The following NLRP6 variants were observed in gnomAD, a reference collection of about 807,000 sequenced individuals.
NLRP6 encodes NACHT, LRR and PYD domains-containing protein 6.
Under a neutral mutation model 70.9 loss-of-function variants are expected in NLRP6, and 55 were observed. The observed-to-expected ratio is 0.78, with a 90% CI of 0.62 to 0.97. The LOEUF (loss-of-function observed/expected upper bound fraction) is 0.97, where lower values mean the gene tolerates loss of function less well. Among genes scored for constraint, NLRP6 ranks in the 50% least tolerant of loss-of-function variants. The pLI is 0.00. For missense variants in NLRP6, 1,241 were observed against 1,238.3 expected (o/e 1.00, Z -0.03); for synonymous variants, 652 against 581.9 (o/e 1.12, Z -1.73).
intron 5 of NLRP6, among the ~76,000 whole-genome samples, chr11:283,078 T>C (rs1277271321): frequency 6.6e-6 from 1 of 151,684 alleles, no homozygotes; most frequent in East Asian, 1.9e-4. Context: ...AAGACAAGAG[T>C]GTATTTTCCT....
chr11:282,424 T>C (rs932441981), intron 4 of NLRP6, among the ~76,000 whole-genome samples: 6 of 152,086 alleles, frequency 3.9e-5, no homozygotes, highest in Admixed American at 6.5e-5. Context: ...AATGTCACGG[T>C]GTTGGCAGGG....
chr11:278,712 C>T lies in NLRP6; in HGVS notation c.29+114C>T, dbSNP rs900217329. ...TCCACCCTTGTCCACATCCTTCCCC[C>T]ACCCTCACTCCCAGGCTCAGGAGCC... is the stretch of plus-strand genomic sequence containing the variant. On this transcript the variant is annotated intron_variant, in intron 1 of 7. Coordinates refer to ENST00000534750, the MANE Select transcript of NLRP6 (RefSeq NM_001276700.2). The surrounding 1 kb of genome is among the most constrained non-coding windows in gnomAD (Gnocchi z 4.7). The T allele has an allele frequency of 4.1e-6, 3 of 727,128 alleles. No individual in the cohort carries two copies. In the South Asian group the frequency reaches 7.0e-5, roughly 17 times the overall value. 45.0% of individuals were successfully genotyped at this position (727,128 alleles called of 1,614,324 possible). A position where few individuals can be genotyped will look rare whatever the true frequency, so the allele number is the denominator to read the frequency against.
Position 280,980 on chromosome 11 carries a change from A to T in NLRP6, c.1246A>T (p.Thr416Ser). The change falls in exon 4 of 8, where the codon ACG becomes TCG. Residue 416 changes from threonine to serine, a missense_variant. Thr to Ser is a moderately conservative substitution (Grantham distance 58). Coordinates refer to ENST00000534750, the MANE Select transcript of NLRP6 (RefSeq NM_001276700.2). The part of the protein sequence containing the change: ...RDLSRTSKTT[T>S]SVYLLFITSV... ...CCTGTCGCGCACGTCCAAGACCACC[A>T]CGTCAGTGTACCTGCTTTTCATCAC... is the stretch of plus-strand genomic sequence containing the variant. The T allele has an allele frequency of 6.2e-7, 1 of 1,613,120 alleles. No individual in the cohort carries two copies. Among genetic ancestry groups the T allele is most frequent in the Non-Finnish European group, 8.5e-7 (1 of 1,179,968 alleles).
In NLRP6 at chr11:281,286, G is replaced by T. The variant is rs1377465453; in HGVS notation, c.1552G>T (p.Val518Leu). ...ALSYLLEDGG[V>L]PRTAAGGVGT... The stretch of plus-strand genomic sequence containing the variant: ...GTCCTACCTGCTGGAGGACGGCGGG[G>T]TGCCCAGGACCGCGGCTGGCGGCGT... The change falls in exon 4 of 8, where the codon GTG becomes TTG. Residue 518 changes from valine (V) to leucine (L), a missense_variant. Transcript: ENST00000534750. The T allele has an allele frequency of 1.2e-6, 2 of 1,609,812 alleles. No homozygotes were observed. Among genetic ancestry groups the T allele is most frequent in the Admixed American group, 3.3e-5 (2 of 59,832 alleles).
At chr11:284,758 T>A in intron 7 of NLRP6, 116 bp downstream of exon 7, 1 of 979,248 alleles carries the variant, frequency 1.0e-6, no homozygotes, top group East Asian at 2.6e-5. Context: ...AGACCTCCCA[T>A]GTGACTGAGC....
chr11:281,826 C>T lies in NLRP6; in HGVS notation c.2092C>T (p.Leu698=), dbSNP rs143419476. The change falls in exon 4 of 8, where the codon CTG becomes TTG. Residue 698 remains leucine, a synonymous_variant. Coordinates refer to ENST00000534750, the MANE Select transcript of NLRP6 (RefSeq NM_001276700.2). ...KSLGKRLQAS[L]GGGSSQGTTK... is the part of the protein sequence containing the mutation. ...CCTGGGGAAGCGGCTCCAGGCCAGC[C>T]TGGGTGGCGGCAGGTGCGTCTCCAG... 1.3e-4 allele frequency: 201 copies of T among 1,578,972 alleles called. 2 individuals are homozygous for T. The African/African-American group carries it at 2.3e-3, about 18-fold the overall frequency.
rs376681481 is a variant in NLRP6, at chr11:278,733, G to A, written c.29+135G>A. ...CCCCCACCCTCACTCCCAGGCTCAG[G>A]AGCCAAGCACTGCCTCCCCACAGAG... is the stretch of plus-strand genomic sequence containing the variant. On this transcript the variant is annotated intron_variant, in intron 1 of 7. Transcript: ENST00000534750. The surrounding 1 kb of genome is among the most constrained non-coding windows in gnomAD (Gnocchi z 4.7). 3.3e-6 allele frequency: 2 copies of A among 607,594 alleles called. No individual in the cohort carries two copies. The highest frequency in any genetic ancestry group is 3.9e-5 in the African/African-American group (2 of 51,868). The allele number at this position is 607,594 out of a possible 1,614,324, so 37.6% of individuals were successfully genotyped here. A position where few individuals can be genotyped will look rare whatever the true frequency, so the allele number is the denominator to read the frequency against.
intron 5 of NLRP6, among the ~76,000 whole-genome samples, chr11:283,909 C>T (rs1845515173): frequency 6.6e-6 from 1 of 151,974 alleles, no homozygotes; most frequent in Non-Finnish European, 1.5e-5. Flanking sequence ...ACACAACTAC[C>T]CAACCATTAG....
Position 280,503 on chromosome 11 carries a change from TGCCCCGACCGCGGC to T in NLRP6, c.772_785del (p.Pro258AlafsTer103). 1 of 1,577,320 alleles carries T rather than the reference TGCCCCGACCGCGGC, an allele frequency of 6.3e-7. No individual in the cohort carries two copies. The highest frequency in any genetic ancestry group is 1.1e-5 in the South Asian group (1 of 88,750). ...CCTGGCTGACCTGATCCTGGACCAG[TGCCCCGACCGCGGC>T]GCGCCGGTGCCGCAGATGCTGGCCC... On this transcript the variant is annotated frameshift_variant, in exon 4 of 8. Coordinates refer to ENST00000534750, the MANE Select transcript of NLRP6 (RefSeq NM_001276700.2). LOFTEE classifies it high-confidence loss of function.
In NLRP6 at chr11:281,135, A is replaced by T. The variant is rs768778443; in HGVS notation, c.1401A>T (p.Gln467His). 2.5e-6 allele frequency: 4 copies of T among 1,612,878 alleles called. No homozygotes were observed. The South Asian group carries it at 3.3e-5, about 13-fold the overall frequency. ...RAQFAEKELE[Q>H]LELRGSKVQT... is the part of the protein sequence containing the mutation. ...AGTTTGCCGAGAAGGAACTGGAGCA[A>T]CTGGAGCTTCGTGGCTCCAAAGTGC... is the stretch of plus-strand genomic sequence containing the variant. Residue 467 changes from glutamine to histidine, a missense_variant, in exon 4 of 8, where the codon CAA becomes CAT. Coordinates refer to ENST00000534750, the MANE Select transcript of NLRP6 (RefSeq NM_001276700.2).
Position 284,217 on chromosome 11 carries a change from T to C in NLRP6, c.2199-13T>C, listed in dbSNP as rs768436242. On this transcript the variant is annotated splice_polypyrimidine_tract_variant and intron_variant, in intron 5 of 7. Transcript: ENST00000534750. ...GGCGCCTGCAGGTAAATCTCTGTGC[T>C]TCTTGACCACAGGCTGTCCCACTGC... The C allele has an allele frequency of 2.5e-6, 4 of 1,612,808 alleles. No homozygotes were observed. Among genetic ancestry groups the C allele is most frequent in the African/African-American group, 1.3e-5 (1 of 74,912 alleles).
intron 5 of NLRP6, among the ~76,000 whole-genome samples, 171 bp downstream of exon 5, chr11:282,968 G>A (rs955851296): frequency 1.3e-5 from 2 of 152,246 alleles, no homozygotes; most frequent in African/African-American, 2.4e-5. Context: ...GGGAGGAGGG[G>A]ATGAGGGTCT....
At position 278,450 on chromosome 11, in the gene NLRP6, C is replaced by T. The variant is rs1044315450; in HGVS notation, c.-120C>T. 9.2e-6 allele frequency: 7 copies of T among 763,028 alleles called. No homozygotes were observed. Among genetic ancestry groups the T allele is most frequent in the Admixed American group, 3.1e-5 (1 of 32,766 alleles). The allele number at this position is 763,028 out of a possible 1,614,324, so 47.3% of individuals were successfully genotyped here. A position where few individuals can be genotyped will look rare whatever the true frequency, so the allele number is the denominator to read the frequency against. On this transcript the variant is annotated 5_prime_UTR_variant, in exon 1 of 8. Coordinates refer to ENST00000534750, the MANE Select transcript of NLRP6 (RefSeq NM_001276700.2). This position sits in a 1 kb window ranked among gnomAD's most constrained non-coding sequence, Gnocchi z 4.7. ...CCAGCTGAGCTGCGGTGTGTGGACC[C>T]GGGGAATGGACCGGGCTGGACAACC...
In NLRP6 at chr11:278,507, G is replaced by A; in HGVS notation, c.-63G>A. The A allele has an allele frequency of 7.2e-7, 1 of 1,388,584 alleles. No homozygotes were observed. The highest frequency in any genetic ancestry group is 9.6e-7 in the Non-Finnish European group (1 of 1,037,284). The allele number at this position is 1,388,584 out of a possible 1,614,324, so 86.0% of individuals were successfully genotyped here. A position where few individuals can be genotyped will look rare whatever the true frequency, so the allele number is the denominator to read the frequency against. On this transcript the variant is annotated 5_prime_UTR_variant, in exon 1 of 8. Coordinates refer to ENST00000534750, the MANE Select transcript of NLRP6 (RefSeq NM_001276700.2). This position sits in a 1 kb window ranked among gnomAD's most constrained non-coding sequence, Gnocchi z 4.7. ...ACTTGGCTCCAGCTCAGCCTGTGAA[G>A]GAATCACCTCTCTGATCCCCACCTC...
rs535652804 is a variant in NLRP6, at chr11:280,275, A to G, written c.541A>G (p.Thr181Ala). 429 of 1,512,910 alleles carry G rather than the reference A, an allele frequency of 2.8e-4. 1 individual carries two copies. Among genetic ancestry groups the G allele is most frequent in the Middle Eastern group, 3.8e-4 (2 of 5,310 alleles). 93.7% of individuals were successfully genotyped at this position (1,512,910 alleles called of 1,614,324 possible). A position where few individuals can be genotyped will look rare whatever the true frequency, so the allele number is the denominator to read the frequency against. ...GCGCGCGCGGCGCTCGGACACGCAC[A>G]CTTTCAACCGCCTCTTCCGCCGCGA... ...PGRARRSDTH[T>A]FNRLFRRDEE... Residue 181 changes from threonine (T) to alanine (A), a missense_variant, in exon 4 of 8, where the codon ACT (threonine) becomes GCT (alanine). Thr to Ala is a moderately conservative substitution (Grantham distance 58). Coordinates refer to ENST00000534750, the MANE Select transcript of NLRP6 (RefSeq NM_001276700.2).
chr11:280,519 C>G lies in NLRP6; in HGVS notation c.785C>G (p.Ala262Gly), dbSNP rs954419834. 7 of 1,567,944 alleles carry G rather than the reference C, an allele frequency of 4.5e-6. No homozygotes were observed. The African/African-American group carries it at 5.6e-5, about 13-fold the overall frequency. Residue 262 changes from alanine (A) to glycine (G), a missense_variant, in exon 4 of 8, where the codon GCG (alanine) becomes GGG (glycine). Transcript: ENST00000534750. Reference protein sequence around the residue: ...LILDQCPDRGAPVPQMLAQPQ... With the variant: ...LILDQCPDRGGPVPQMLAQPQ... ...CTGGACCAGTGCCCCGACCGCGGCGCGCCGGTGCCGCAGATGCTGGCCCAG... is the reference window on the plus strand; with the variant it reads ...CTGGACCAGTGCCCCGACCGCGGCGGGCCGGTGCCGCAGATGCTGGCCCAG...
At chr11:283,088 T>C (rs1370990034) in intron 5 of NLRP6, among the ~76,000 whole-genome samples, 2 of 152,180 alleles carry the variant, frequency 1.3e-5, no homozygotes, top group Non-Finnish European at 2.9e-5. Flanking sequence ...TGTATTTTCC[T>C]TCTGAAGGGA....
chr11:279,336 G>T lies in NLRP6; in HGVS notation c.39G>T (p.Pro13=), dbSNP rs1405320338. Residue 13 remains proline (P), a synonymous_variant, in exon 2 of 8, where the codon CCG becomes CCT. Coordinates refer to ENST00000534750, the MANE Select transcript of NLRP6 (RefSeq NM_001276700.2). Reference sequence around the variant, plus strand: ...GCCCGCCCGCCTCCAGCACGGGGCCGCGCCTCGCGGTGGCCCGCGAGCTGC... The same window carrying T: ...GCCCGCCCGCCTCCAGCACGGGGCCTCGCCTCGCGGTGGCCCGCGAGCTGC... ...QPEAPCSSTG[P]RLAVARELLL... 1.6e-6 allele frequency: 2 copies of T among 1,285,086 alleles called. No individual in the cohort carries two copies. Among genetic ancestry groups the T allele is most frequent in the African/African-American group, 3.1e-5 (2 of 64,558 alleles). The allele number at this position is 1,285,086 out of a possible 1,614,324, so 79.6% of individuals were successfully genotyped here. A position where few individuals can be genotyped will look rare whatever the true frequency, so the allele number is the denominator to read the frequency against.
intron 4 of NLRP6, among the ~76,000 whole-genome samples, chr11:282,267 G>T (rs905246178): frequency 2.6e-5 from 4 of 152,128 alleles, no homozygotes; most frequent in African/African-American, 7.2e-5. Flanking sequence ...GGCTCCAGAA[G>T]TACCCTTTCG....
Sources: allele counts gnomAD v4.1 joint callset (sites outside exome capture counted in the v4.1 genomes callset), GRCh38; gene constraint gnomAD v4.1.1; non-coding constraint Gnocchi (gnomAD v3.1); transcripts MANE v1.5; gene names NCBI Gene and HGNC (gene_info 2026-07-23, HGNC 2026-07-21).